MAP3K20: variants seen among roughly 807,000 people sequenced by gnomAD.
The protein encoded by MAP3K20 is HCCS-4.
Under a neutral mutation model 85.7 loss-of-function variants are expected in MAP3K20, and 40 were observed. The observed-to-expected ratio is 0.47, with a 90% CI of 0.36 to 0.61. MAP3K20 has a LOEUF of 0.61. Ranked by LOEUF, MAP3K20 falls within the 20% of genes least tolerant of loss-of-function variation. MAP3K20 has a pLI of 0.00. For synonymous variants in MAP3K20, 325 were observed against 327.7 expected (o/e 0.99, Z 0.09); for missense variants, 817 against 961.7 (o/e 0.85, Z 1.99).
At chr2:173,162,410 G>T (rs1260360526) in intron 2 of MAP3K20, among the ~76,000 whole-genome samples, 3 of 152,124 alleles carry the variant, frequency 2.0e-5, no homozygotes, top group South Asian at 4.2e-4. Flanking sequence ...GACCGGCTGG[G>T]CATGGTGGCT....
chr2:173,249,549 C>T (rs12475921), intron 16 of MAP3K20, among the ~76,000 whole-genome samples: 39,727 of 151,806 alleles, frequency 0.26, 6,436 homozygotes, highest in East Asian at 0.6. Flanking sequence ...GGAGAAGAAC[C>T]TAGGAGGTAG....
chr2:173,239,492 C>T lies in MAP3K20; in HGVS notation c.1355C>T (p.Pro452Leu). Residue 452 changes from proline to leucine, a missense_variant, in exon 16 of 20, where the codon CCA (proline) becomes CTA (leucine). Transcript: ENST00000375213. ...TTTCACTTGAAACCAGGAACTGGCC[C>T]ACAGGTAAATCACATTTTAAATCCT... ...FGFHLKPGTG[P>L]QDCKWKMYME... is the part of the protein sequence containing the mutation. 1.2e-6 allele frequency: 2 copies of T among 1,610,544 alleles called. No individual in the cohort carries two copies. Among genetic ancestry groups the T allele is most frequent in the East Asian group, 2.2e-5 (1 of 44,816 alleles).
chr2:173,259,299 G>A (rs1685233774), intron 17 of MAP3K20, among the ~76,000 whole-genome samples: 1 of 152,160 alleles, frequency 6.6e-6, no homozygotes, highest in Non-Finnish European at 1.5e-5. Context: ...GGAGTGGCCA[G>A]AGAACATGTT....
intron 3 of MAP3K20, among the ~76,000 whole-genome samples, chr2:173,181,699 G>A (rs556465115): frequency 2.2e-4 from 34 of 152,106 alleles, no homozygotes; most frequent in African/African-American, 7.7e-4. Context: ...AATAGTATTC[G>A]GCAATAAAAC....
chr2:173,090,951 G>A, intron 1 of MAP3K20, 47 bp from the exon 2 acceptor site: 3 of 1,525,962 alleles, frequency 2.0e-6, no homozygotes, highest in Non-Finnish European at 2.6e-6. Flanking sequence ...AGAGGATTTA[G>A]CCTAATATAT....
chr2:173,131,471 A>C (rs2106200861), intron 2 of MAP3K20, among the ~76,000 whole-genome samples: 1 of 152,336 alleles, frequency 6.6e-6, no homozygotes, highest in South Asian at 2.1e-4. Context: ...AGGAACCATG[A>C]AACCAGTCAT....
chr2:173,182,717 AC>A (rs1690366024), intron 3 of MAP3K20, 136 bp from the exon 4 acceptor site: 7 of 588,108 alleles, frequency 1.2e-5, no homozygotes, highest in Non-Finnish European at 1.9e-5. Flanking sequence ...TAGAAACCAC[AC>A]CATGGAACAA....
intron 10 of MAP3K20, among the ~76,000 whole-genome samples, chr2:173,214,055 A>T (rs1461050429): frequency 1.8e-4 from 28 of 152,204 alleles, no homozygotes; most frequent in Admixed American, 1.8e-3. Context: ...TGTTTCTGGC[A>T]AATGATTATT....
intron 2 of MAP3K20, among the ~76,000 whole-genome samples, chr2:173,094,555 C>T (rs115608562): frequency 1.2e-4 from 18 of 152,280 alleles, no homozygotes; most frequent in South Asian, 4.1e-4. Context: ...CTGTTTAGCC[C>T]GGCTTAATCT....
intron 16 of MAP3K20, among the ~76,000 whole-genome samples, chr2:173,253,071 A>G (rs934809333): frequency 6.6e-6 from 1 of 151,960 alleles, no homozygotes; most frequent in African/African-American, 2.4e-5. Context: ...AGCCCCCTGC[A>G]CGCCCAGACT....
intron 9 of MAP3K20, among the ~76,000 whole-genome samples, chr2:173,208,530 G>A (rs1033488325): frequency 6.6e-6 from 1 of 152,110 alleles, no homozygotes; most frequent in Non-Finnish European, 1.5e-5. Context: ...CTTATTAGAA[G>A]GCTTAATATA....
At chr2:173,249,617 C>G (rs1251239416) in intron 16 of MAP3K20, among the ~76,000 whole-genome samples, 1 of 151,948 alleles carries the variant, frequency 6.6e-6, no homozygotes, top group Non-Finnish European at 1.5e-5. Context: ...AGTAGATGTC[C>G]CAGTATTTAA....
intron 1 of MAP3K20, among the ~76,000 whole-genome samples, chr2:173,085,238 T>A (rs1039634020): frequency 6.6e-6 from 1 of 152,186 alleles, no homozygotes; most frequent in Non-Finnish European, 1.5e-5. Context: ...TTGTTTTTAA[T>A]TTGGGGCAAA....
chr2:173,098,382 C>T (rs572926248), intron 2 of MAP3K20, among the ~76,000 whole-genome samples: 8 of 152,260 alleles, frequency 5.3e-5, no homozygotes, highest in African/African-American at 1.9e-4. Context: ...GCTGATGTGA[C>T]AACACAAGTG....
At chr2:173,212,812 AAAAAG>A (rs999986734) in intron 10 of MAP3K20, 9 of 151,370 alleles carry the variant, frequency 5.9e-5, no homozygotes, top group Non-Finnish European at 1.0e-4. Context: ...AAAAAAAAAA[AAAAAG>A]AAAAGAAATG....
rs560129492 is a variant in MAP3K20 at position 173,138,005 on chromosome 2, G to A, written c.160-31800G>A. Among the ~76,000 whole-genome samples the A allele has an allele frequency of 6.6e-5, 10 of 152,096 alleles. No homozygotes were observed. The East Asian group carries it at 7.7e-4, about 12-fold the overall frequency. Reference sequence around the variant, plus strand: ...TTTTGAGACAGGATCTTGCTGTGTCGCCTAGACTGGAGTGTGCAGTGGCGT... The same window carrying A: ...TTTTGAGACAGGATCTTGCTGTGTCACCTAGACTGGAGTGTGCAGTGGCGT... On this transcript the variant is annotated intron_variant, in intron 2 of 19. Transcript: ENST00000375213.
intron 2 of MAP3K20, among the ~76,000 whole-genome samples, chr2:173,104,960 G>A (rs751643330): frequency 9.2e-5 from 14 of 152,146 alleles, no homozygotes; most frequent in Non-Finnish European, 1.9e-4. Flanking sequence ...GGGGGCCATC[G>A]TAGCTGGAGT....
chr2:173,173,931 C>CA (rs1223778922), intron 3 of MAP3K20, among the ~76,000 whole-genome samples: 9 of 151,600 alleles, frequency 5.9e-5, no homozygotes, highest in African/African-American at 1.7e-4. Context: ...TTAATGACTT[C>CA]AAAAAAAATG....
chr2:173,256,935 T>C (rs1297040902), intron 16 of MAP3K20, among the ~76,000 whole-genome samples: 1 of 152,136 alleles, frequency 6.6e-6, no homozygotes, highest in Non-Finnish European at 1.5e-5. Context: ...GAGGATCACT[T>C]GAGCCCAGGA....
Sources: gnomAD v4.1 joint callset for allele counts (sites outside exome capture counted in the v4.1 genomes callset) on GRCh38, gnomAD v4.1.1 for gene constraint, MANE v1.5 for transcripts, NCBI Gene and HGNC (gene_info 2026-07-23, HGNC 2026-07-21) for gene names.